The following CFAP100 variants were observed in gnomAD, a reference collection of about 807,000 sequenced individuals.
The protein encoded by CFAP100 is cilia and flagella associated protein 100, also known as cilia- and flagella-associated protein 100.
In CFAP100, 70 loss-of-function variants were observed where a neutral mutation model predicts 81.5. The observed-to-expected ratio is 0.86, with a 90% confidence interval of 0.71 to 1.05. The LOEUF is 1.05. Among genes scored for constraint, CFAP100 ranks in the 50% least tolerant of loss-of-function variants. The pLI is 0.00. For synonymous variants in CFAP100, 341 were observed against 314.8 expected (o/e 1.08, Z -0.88); for missense variants, 811 against 776.5 (o/e 1.04, Z -0.53).
intron 3 of CFAP100, among the ~76,000 whole-genome samples, chr3:126,409,302 G>A (rs1437186328): frequency 6.6e-6 from 1 of 152,248 alleles, no homozygotes. Flanking sequence ...TCTGGGAGAA[G>A]CATCCACATT....
chr3:126,435,353 T>A (rs1651654609), intron 15 of CFAP100, among the ~76,000 whole-genome samples: 1 of 151,886 alleles, frequency 6.6e-6, no homozygotes, highest in South Asian at 2.1e-4. Flanking sequence ...GCCCTGGTTG[T>A]CCTCCTCTGG....
chr3:126,423,027 G>A (rs2083356727), intron 11 of CFAP100, among the ~76,000 whole-genome samples: 1 of 152,172 alleles, frequency 6.6e-6, no homozygotes, highest in South Asian at 2.1e-4. Flanking sequence ...TGGGATGGGT[G>A]AGGGCCATCT....
intron 2 of CFAP100, among the ~76,000 whole-genome samples, chr3:126,397,297 A>AT (rs2082904365): frequency 6.6e-6 from 1 of 152,220 alleles, no homozygotes; most frequent in Non-Finnish European, 1.5e-5. Context: ...GTGTGCTGCT[A>AT]TAAACAGTGA....
Position 126,396,578 on chromosome 3 carries a change from C to G in CFAP100, c.49+529C>G, listed in dbSNP as rs572154159. ...CAGCTGCAAAGACCTTATTTCCAAA[C>G]AAGATCACATTCTGAGACAGTAGGG... On this transcript the variant is annotated intron_variant, in intron 2 of 16. Transcript: ENST00000352312. The G allele has an allele frequency of 3.9e-4, 61 of 156,152 alleles. No homozygotes were observed. In the South Asian group the frequency reaches 8.6e-3, roughly 22 times the overall value. The allele number at this position is 156,152 out of a possible 1,614,324, so 9.7% of individuals were successfully genotyped here. A position where few individuals can be genotyped will look rare whatever the true frequency, so the allele number is the denominator to read the frequency against.
At chr3:126,431,790 T>A (rs1208115580) in intron 13 of CFAP100, among the ~76,000 whole-genome samples, 1 of 152,212 alleles carries the variant, frequency 6.6e-6, no homozygotes, top group Non-Finnish European at 1.5e-5. Flanking sequence ...TCACTTTCCC[T>A]ATACTGAAGT....
intron 13 of CFAP100, among the ~76,000 whole-genome samples, chr3:126,432,051 C>T (rs1046145695): frequency 3.3e-5 from 5 of 151,956 alleles, no homozygotes; most frequent in African/African-American, 7.2e-5. Flanking sequence ...GAGGCTGAGG[C>T]AGGAGGATCA....
chr3:126,430,101 CTAGA>C (rs1359193609), intron 13 of CFAP100, among the ~76,000 whole-genome samples: 1 of 152,112 alleles, frequency 6.6e-6, no homozygotes, highest in African/African-American at 2.4e-5. Context: ...ATCTTTGACT[CTAGA>C]TAATTTCATT....
intron 2 of CFAP100, among the ~76,000 whole-genome samples, chr3:126,403,221 A>G (rs1268335354): frequency 6.6e-6 from 1 of 152,096 alleles, no homozygotes; most frequent in Non-Finnish European, 1.5e-5. Context: ...TGAGGGCATC[A>G]GCAAATCCGC....
chr3:126,415,656 G>T (rs1199804737), intron 4 of CFAP100, among the ~76,000 whole-genome samples: 6 of 152,104 alleles, frequency 3.9e-5, no homozygotes, highest in African/African-American at 1.4e-4. Context: ...GAAAGTCTAC[G>T]TGAAGAGACT....
chr3:126,399,579 A>G (rs1202785367), intron 2 of CFAP100, among the ~76,000 whole-genome samples: 1 of 152,172 alleles, frequency 6.6e-6, no homozygotes. Context: ...CAGAAAAACC[A>G]GTTTGTCTCT....
rs748013899 is a variant in CFAP100 at position 126,436,368 on chromosome 3, C to A, written c.1800C>A (p.Asp600Glu). The A allele has an allele frequency of 1.4e-5, 22 of 1,614,018 alleles. No individual in the cohort carries two copies. In the South Asian group the frequency reaches 2.4e-4, roughly 18 times the overall value. The part of the protein sequence containing the change: ...IKQQSEHTLM[D>E]KEEEELLFFF... ...AACAGTCTGAGCACACACTGATGGA[C>A]AAGGAGGAGGAGGAGCTGCTATTTT... The change falls in exon 17 of 17, where the codon GAC (aspartate) becomes GAA (glutamate). Residue 600 changes from aspartate to glutamate, a missense_variant. Coordinates refer to ENST00000352312, the MANE Select transcript of CFAP100 (RefSeq NM_182628.3).
chr3:126,416,069 G>A (rs1482075071), intron 4 of CFAP100, among the ~76,000 whole-genome samples: 1 of 152,178 alleles, frequency 6.6e-6, no homozygotes, highest in East Asian at 1.9e-4. Flanking sequence ...CCCTCTGTGG[G>A]TCTGGAGTGC....
intron 2 of CFAP100, among the ~76,000 whole-genome samples, chr3:126,406,341 G>T (rs987788470): frequency 1.3e-5 from 2 of 152,050 alleles, no homozygotes; most frequent in Admixed American, 1.3e-4. Context: ...CTGTCTTCCC[G>T]CTCAGTGTTT....
intron 3 of CFAP100, among the ~76,000 whole-genome samples, chr3:126,407,783 G>A (rs1177287325): frequency 2.0e-5 from 3 of 152,190 alleles, no homozygotes; most frequent in African/African-American, 7.2e-5. Flanking sequence ...GGATCTATAA[G>A]GAGGGCACAC....
At chr3:126,398,038 G>A (rs1469597368) in intron 2 of CFAP100, among the ~76,000 whole-genome samples, 1 of 152,266 alleles carries the variant, frequency 6.6e-6, no homozygotes, top group African/African-American at 2.4e-5. Context: ...GGCCCGGGAG[G>A]ACTATTGGCC....
intron 5 of CFAP100, among the ~76,000 whole-genome samples, chr3:126,417,423 G>A (rs2083261153): frequency 6.6e-6 from 1 of 152,196 alleles, no homozygotes; most frequent in Non-Finnish European, 1.5e-5. Flanking sequence ...GGCGCACAGG[G>A]GATTAGAGGT....
In CFAP100 at chr3:126,419,756, A is replaced by T; in HGVS notation, c.851A>T (p.Lys284Met). The stretch of plus-strand genomic sequence containing the variant: ...GAAAAGAAACACTCGTTTCTCAAAA[A>T]GGCCAAGGAGGTCTCCGAGGCTTCC... The part of the protein sequence containing the change: ...EQEKKHSFLK[K>M]AKEVSEASKE... The change falls in exon 9 of 17, where the codon AAG becomes ATG. Residue 284 changes from lysine to methionine, a missense_variant. Physicochemically the swap from Lys to Met is moderately conservative, Grantham distance 95. Transcript: ENST00000352312. 1.9e-6 allele frequency: 3 copies of T among 1,614,060 alleles called. No homozygotes were observed. The highest frequency in any genetic ancestry group is 2.5e-6 in the Non-Finnish European group (3 of 1,180,044).
chr3:126,432,391 T>C (rs1479602184), intron 13 of CFAP100, among the ~76,000 whole-genome samples: 1 of 150,580 alleles, frequency 6.6e-6, no homozygotes, highest in Non-Finnish European at 1.5e-5. Flanking sequence ...AACCTGCACA[T>C]GAATGTTCAT....
At chr3:126,415,924 C>T (rs1321158655) in intron 4 of CFAP100, among the ~76,000 whole-genome samples, 1 of 152,202 alleles carries the variant, frequency 6.6e-6, no homozygotes, top group Non-Finnish European at 1.5e-5. Context: ...GCTACACCCA[C>T]TACACAGTCG....
Sources: allele counts gnomAD v4.1 joint callset (sites outside exome capture counted in the v4.1 genomes callset), GRCh38; gene constraint gnomAD v4.1.1; transcripts MANE v1.5; gene names NCBI Gene and HGNC (gene_info 2026-07-23, HGNC 2026-07-21).